LRRN1: variants seen among roughly 807,000 people sequenced by gnomAD.
The protein encoded by LRRN1 is leucine rich repeat neuronal 1.
Under a neutral mutation model 45.8 loss-of-function variants are expected in LRRN1, and 14 were observed. The observed-to-expected ratio is 0.31, with a 90% CI of 0.20 to 0.48. The LOEUF is 0.48. LRRN1 is among the 20% of genes least tolerant of loss of function. LRRN1 has a pLI of 0.99. For missense variants in LRRN1, 789 were observed against 874.2 expected, an observed-to-expected ratio of 0.90 and a Z score of 1.23; for synonymous variants, 359 against 330.1, an observed-to-expected ratio of 1.09 and a Z score of -0.95.
chr3:3,823,310 T>G (rs1693143770), intron 1 of LRRN1, among the ~76,000 whole-genome samples: 3 of 152,052 alleles, frequency 2.0e-5, no homozygotes, highest in Non-Finnish European at 4.4e-5. Flanking sequence ...TCTAGATGTG[T>G]ACCTTGAGCA....
rs554620474 is a variant in LRRN1 at position 3,808,173 on chromosome 3, G to T, written c.-279+8254G>T. ...AATGAGATGCTTTAGTGATCGAGAG[G>T]AAAATATTACATAGAGCTCCCAAAT... On this transcript the variant is annotated intron_variant, in intron 1 of 1. Transcript: ENST00000319331. Among the ~76,000 whole-genome samples the T allele has an allele frequency of 3.3e-5, 5 of 151,808 alleles. No individual in the cohort carries two copies. In the South Asian group the frequency reaches 1.0e-3, roughly 32 times the overall value.
At chr3:3,825,862 T>G (rs976252271) in intron 1 of LRRN1, among the ~76,000 whole-genome samples, 4 of 152,194 alleles carry the variant, frequency 2.6e-5, no homozygotes, top group Non-Finnish European at 4.4e-5. Context: ...ATGGAGTATT[T>G]GCCAATAATA....
At chr3:3,821,962 C>T (rs1431249463) in intron 1 of LRRN1, among the ~76,000 whole-genome samples, 2 of 152,172 alleles carry the variant, frequency 1.3e-5, no homozygotes, top group African/African-American at 4.8e-5. Context: ...ATGAGATGCA[C>T]ACTCTCATAT....
At chr3:3,820,818 A>G (rs1693087752) in intron 1 of LRRN1, among the ~76,000 whole-genome samples, 1 of 152,180 alleles carries the variant, frequency 6.6e-6, no homozygotes, top group Non-Finnish European at 1.5e-5. Flanking sequence ...AATAAAACAT[A>G]ACCTTGGACT....
chr3:3,809,636 T>TA (rs756184835), intron 1 of LRRN1, among the ~76,000 whole-genome samples: 1 of 152,160 alleles, frequency 6.6e-6, no homozygotes, highest in Non-Finnish European at 1.5e-5. Context: ...AAGGAGTGGG[T>TA]AACAAGGCAT....
At chr3:3,823,974 T>G (rs1693163561) in intron 1 of LRRN1, among the ~76,000 whole-genome samples, 2 of 152,166 alleles carry the variant, frequency 1.3e-5, no homozygotes, top group Admixed American at 6.5e-5. Context: ...TAACATGCAC[T>G]GAGCTGGAGT....
At position 3,816,153 on chromosome 3, in the gene LRRN1, T is replaced by C. The variant is rs1047212986; in HGVS notation, c.-279+16234T>C. 2.0e-5 allele frequency among the ~76,000 whole-genome samples: 3 copies of C among 152,200 alleles called. No individual in the cohort carries two copies. Among genetic ancestry groups the C allele is most frequent in the African/African-American group, 7.2e-5 (3 of 41,454 alleles). The stretch of plus-strand genomic sequence containing the variant: ...GAGCTATTATAGAATGCACTATGAT[T>C]TATAATGCATTTTAATGTTCTCAGC... On this transcript the variant is annotated intron_variant, in intron 1 of 1. Coordinates refer to ENST00000319331, the MANE Select transcript of LRRN1 (RefSeq NM_020873.7). The surrounding 1 kb of genome is among the most constrained non-coding windows in gnomAD (Gnocchi z 4.0).
intron 1 of LRRN1, among the ~76,000 whole-genome samples, chr3:3,817,387 G>A (rs1313947664): frequency 6.6e-6 from 1 of 152,146 alleles, no homozygotes; most frequent in Non-Finnish European, 1.5e-5. Flanking sequence ...AAAAAAGATG[G>A]CATTCAATGT....
At chr3:3,808,624 C>G (rs1461644400) in intron 1 of LRRN1, among the ~76,000 whole-genome samples, 2 of 152,126 alleles carry the variant, frequency 1.3e-5, no homozygotes, top group South Asian at 2.1e-4. Context: ...AGGGGTTGAA[C>G]TTGGGTCTGT....
intron 1 of LRRN1, among the ~76,000 whole-genome samples, chr3:3,843,405 A>C (rs1693686651): frequency 6.6e-6 from 1 of 152,224 alleles, no homozygotes; most frequent in Non-Finnish European, 1.5e-5. Context: ...ATTCAAATAT[A>C]GGCAAAACTG....
chr3:3,845,550 C>T lies in LRRN1; in HGVS notation c.909C>T (p.Val303=), dbSNP rs201020382. The change falls in exon 2 of 2, where the codon GTC becomes GTT. Residue 303 remains valine (V), a synonymous_variant. Coordinates refer to ENST00000319331, the MANE Select transcript of LRRN1 (RefSeq NM_020873.7). The surrounding 1 kb of genome is among the most constrained non-coding windows in gnomAD (Gnocchi z 6.5). ...GINNMGELVS[V]DRYALDNLPE... ...ACAATATGGGCGAGCTCGTTTCTGT[C>T]GACCGCTATGCCCTGGATAACTTGC... is the stretch of plus-strand genomic sequence containing the variant. 31 of 1,614,058 alleles carry T rather than the reference C, an allele frequency of 1.9e-5. No homozygotes were observed. The East Asian group carries it at 4.9e-4, about 26-fold the overall frequency.
intron 1 of LRRN1, among the ~76,000 whole-genome samples, chr3:3,810,707 T>C (rs893240937): frequency 2.0e-5 from 3 of 152,092 alleles, no homozygotes; most frequent in African/African-American, 7.2e-5. Context: ...ATGTTGTCTC[T>C]TTAAGAAAAG....
intron 1 of LRRN1, among the ~76,000 whole-genome samples, chr3:3,800,140 A>AAC (rs1491364255): frequency 1.3e-4 from 1 of 7,640 alleles, no homozygotes; most frequent in Non-Finnish European, 2.0e-4. Context: ...CCCCCTTGCC[A>AAC]AAAAAAAAAA....
In LRRN1 at chr3:3,845,365, G is replaced by T. The variant is rs1693743077; in HGVS notation, c.724G>T (p.Glu242Ter). 6.2e-7 allele frequency: 1 copy of T among 1,613,950 alleles called. No individual in the cohort carries two copies. The highest frequency in any genetic ancestry group is 1.3e-5 in the African/African-American group (1 of 74,922). ...GNALVGLDSL[E>*]SLSFYDNKLV... ...TGCTTTGGTGGGTCTGGATAGCCTTGAGAGCCTGTCTTTTTATGATAACAA... is the reference window on the plus strand; with the variant it reads ...TGCTTTGGTGGGTCTGGATAGCCTTTAGAGCCTGTCTTTTTATGATAACAA... Residue 242 changes from glutamate (E) to a stop codon, truncating the protein, a stop_gained, in exon 2 of 2, where the codon GAG becomes TAG. Coordinates refer to ENST00000319331, the MANE Select transcript of LRRN1 (RefSeq NM_020873.7). LOFTEE classifies it high-confidence loss of function. The surrounding 1 kb of genome is among the most constrained non-coding windows in gnomAD (Gnocchi z 6.5).
chr3:3,836,036 C>G (rs1693503608), intron 1 of LRRN1, among the ~76,000 whole-genome samples: 1 of 151,948 alleles, frequency 6.6e-6, no homozygotes, highest in African/African-American at 2.4e-5. Flanking sequence ...AGGACATTTT[C>G]TTCTTACATT....
At chr3:3,800,073 A>T (rs766344621) in intron 1 of LRRN1, among the ~76,000 whole-genome samples, 154 bp downstream of exon 1, 49 of 145,638 alleles carry the variant, frequency 3.4e-4, no homozygotes, top group Non-Finnish European at 6.8e-4. Flanking sequence ...CGGCTCACGG[A>T]GCTGGGGAAA....
chr3:3,841,535 T>A (rs1408013066), intron 1 of LRRN1, among the ~76,000 whole-genome samples: 7 of 152,054 alleles, frequency 4.6e-5, no homozygotes, highest in African/African-American at 1.7e-4. Flanking sequence ...TTTTGTTTTT[T>A]TAAGACAGGG....
intron 1 of LRRN1, among the ~76,000 whole-genome samples, chr3:3,814,664 T>C (rs1692952497): frequency 1.3e-5 from 2 of 152,160 alleles, no homozygotes; most frequent in Admixed American, 6.5e-5. Flanking sequence ...ATAAAAGAGA[T>C]TGAAGGGAGT....
At position 3,844,433 on chromosome 3, in the gene LRRN1, G is replaced by A. The variant is rs1280749379; in HGVS notation, c.-209G>A. 13 of 529,734 alleles carry A rather than the reference G, an allele frequency of 2.5e-5. No homozygotes were observed. Among genetic ancestry groups the A allele is most frequent in the Non-Finnish European group, 3.7e-5 (11 of 300,892 alleles). 32.8% of individuals were successfully genotyped at this position (529,734 alleles called of 1,614,324 possible). On this transcript the variant is annotated 5_prime_UTR_variant, in exon 2 of 2. Coordinates refer to ENST00000319331, the MANE Select transcript of LRRN1 (RefSeq NM_020873.7). The stretch of plus-strand genomic sequence containing the variant: ...GACCTGTGCACATGCCTGGAATTGA[G>A]AGACACAGTTAAAAGACTCCAAGTT...
Sources: gnomAD v4.1 joint callset for allele counts (sites outside exome capture counted in the v4.1 genomes callset) on GRCh38, gnomAD v4.1.1 for gene constraint, Gnocchi (gnomAD v3.1) non-coding constraint, MANE v1.5 for transcripts, NCBI Gene and HGNC (gene_info 2026-07-23, HGNC 2026-07-21) for gene names.